TRPM4: variants seen among roughly 807,000 people sequenced by gnomAD.
TRPM4 encodes the protein transient receptor potential cation channel subfamily M member 4, also known as calcium-activated non-selective cation channel 1.
TRPM4 carries 124 observed loss-of-function variants against 135.6 expected under a neutral mutation model. The observed-to-expected ratio is 0.91, with a 90% CI of 0.79 to 1.06. The LOEUF (loss-of-function observed/expected upper bound fraction) is 1.06. Ranked by LOEUF, TRPM4 falls within the 50% of genes least tolerant of loss-of-function variation. The pLI, the probability that TRPM4 is intolerant of heterozygous loss-of-function variation, is 0.00. For synonymous variants in TRPM4, 745 were observed against 705.6 expected, an observed-to-expected ratio of 1.06 and a Z score of -0.88; for missense variants, 1,658 against 1,671.4, an observed-to-expected ratio of 0.99 and a Z score of 0.14.
At position 49,188,685 on chromosome 19, in the gene TRPM4, C is replaced by T. The variant is rs1227708678; in HGVS notation, c.1788C>T (p.Leu596=). The change falls in exon 13 of 25, where the codon CTC becomes CTT. Residue 596 remains leucine, a synonymous_variant. Transcript: ENST00000252826. ...VSSALGACLL[L]RVMARLEPDA... ...CAGCTCTTGGGGCCTGTTTGCTGCT[C>T]CGGGTGATGGCACGCCTGGAGCCTG... The T allele has an allele frequency of 3.7e-6, 6 of 1,614,050 alleles. No homozygotes were observed. The highest frequency in any genetic ancestry group is 1.7e-5 in the Admixed American group (1 of 60,000).
At position 49,196,879 on chromosome 19, in the gene TRPM4, G is replaced by T. The variant is rs1244051658; in HGVS notation, c.2645+5G>T. On this transcript the variant is annotated splice_donor_5th_base_variant and intron_variant, in intron 17 of 24. Coordinates refer to ENST00000252826, the MANE Select transcript of TRPM4 (RefSeq NM_017636.4). The stretch of plus-strand genomic sequence containing the variant: ...CCTCCTGGGCGTGGGCTGCCGGTGA[G>T]TGCCCCGGGGCCTTGGAACCCTGGC... The T allele has an allele frequency of 6.4e-7, 1 of 1,573,032 alleles. No homozygotes were observed. The highest frequency in any genetic ancestry group is 1.8e-5 in the Admixed American group (1 of 56,776).
chr19:49,200,752 A>G lies in TRPM4; in HGVS notation c.2920A>G (p.Ile974Val), dbSNP rs748203500. The G allele has an allele frequency of 1.2e-6, 2 of 1,614,032 alleles. No homozygotes were observed. The highest frequency in any genetic ancestry group is 1.7e-5 in the Admixed American group (1 of 60,002). The stretch of plus-strand genomic sequence containing the variant: ...CGTCTTCTACCGTCCCTACCTGCAG[A>G]TCTTCGGGCAGATTCCCCAGGAGGA... ...RRVFYRPYLQ[I>V]FGQIPQEDMD... Residue 974 changes from isoleucine to valine, a missense_variant, in exon 19 of 25, where the codon ATC (isoleucine) becomes GTC (valine). Around this residue, in one of 3 missense-constraint regions of TRPM4, gnomAD observed 1,412 missense variants for 1,408.7 expected, o/e 1.00. Transcript: ENST00000252826.
Position 49,210,252 on chromosome 19 carries a change from A to C in TRPM4, c.3175A>C (p.Lys1059Gln). 1 of 1,614,198 alleles carries C rather than the reference A, an allele frequency of 6.2e-7. No individual in the cohort carries two copies. Among genetic ancestry groups the C allele is most frequent in the Non-Finnish European group, 8.5e-7 (1 of 1,180,032 alleles). ...ACAGGGCAACAGCGATCTCTACTGG[A>C]AGGCGCAGCGTTACCGCCTCATCCG... Reference protein sequence around the residue: ...KVQGNSDLYWKAQRYRLIREF... With the variant: ...KVQGNSDLYWQAQRYRLIREF... Residue 1059 changes from lysine to glutamine, a missense_variant, in exon 21 of 25, where the codon AAG (lysine) becomes CAG (glutamine). By Grantham distance (53) the Lys-to-Gln change is moderately conservative. This residue lies in a region of TRPM4 where 1,412 missense variants were observed against 1,408.7 expected (regional missense o/e 1.00). Transcript: ENST00000252826. This position sits in a 1 kb window ranked among gnomAD's most constrained non-coding sequence, Gnocchi z 4.1.
chr19:49,173,830 CA>C (rs1037855602), intron 9 of TRPM4, among the ~76,000 whole-genome samples: 3 of 150,764 alleles, frequency 2.0e-5, no homozygotes, highest in South Asian at 2.1e-4. Flanking sequence ...GTAAATTAAA[CA>C]AAAAAAAAAT....
In TRPM4 at chr19:49,210,532, A is replaced by G; in HGVS notation, c.3328+127A>G. 1.4e-6 allele frequency: 2 copies of G among 1,426,232 alleles called. No individual in the cohort carries two copies. The highest frequency in any genetic ancestry group is 1.9e-6 in the Non-Finnish European group (2 of 1,035,520). 88.3% of individuals were successfully genotyped at this position (1,426,232 alleles called of 1,614,324 possible). ...AGGTAGCGAGGGGCGGGGTTTAAGCAACAAGGGGCGGAGCTTAAGCACTGA... is the reference window on the plus strand; with the variant it reads ...AGGTAGCGAGGGGCGGGGTTTAAGCGACAAGGGGCGGAGCTTAAGCACTGA... On this transcript the variant is annotated intron_variant, in intron 21 of 24. Transcript: ENST00000252826. The surrounding 1 kb of genome is among the most constrained non-coding windows in gnomAD (Gnocchi z 4.1).
intron 9 of TRPM4, 80 bp from the exon 10 acceptor site, chr19:49,181,269 C>A: frequency 9.0e-7 from 1 of 1,109,278 alleles, no homozygotes; most frequent in Non-Finnish European, 1.4e-6. Context: ...GTCAGACATG[C>A]AAAATAGAGG....
chr19:49,166,004 G>C (rs1200108372), intron 2 of TRPM4, 37 bp from the exon 3 acceptor site: 17 of 1,557,890 alleles, frequency 1.1e-5, no homozygotes, highest in African/African-American at 2.7e-5. Context: ...GGGTCGGGGG[G>C]CAGCCCTGGG....
intron 20 of TRPM4, among the ~76,000 whole-genome samples, chr19:49,203,934 C>A (rs900402344): frequency 6.6e-6 from 1 of 152,114 alleles, no homozygotes; most frequent in Non-Finnish European, 1.5e-5. Context: ...TCGAGACCAG[C>A]CTGGCCAACG....
intron 12 of TRPM4, among the ~76,000 whole-genome samples, chr19:49,186,339 G>A (rs889328874): frequency 1.3e-5 from 2 of 152,324 alleles, no homozygotes; most frequent in East Asian, 3.9e-4. Context: ...AGAGCCTAAA[G>A]TTCAGCCAGA....
chr19:49,210,091 T>C lies in TRPM4; in HGVS notation c.3132-118T>C. ...CGCATCCTGTAACCTCTGACTTTAG[T>C]GATCTTGACTTCTGTCTGCTGCTAT... On this transcript the variant is annotated intron_variant, in intron 20 of 24. Transcript: ENST00000252826. This position sits in a 1 kb window ranked among gnomAD's most constrained non-coding sequence, Gnocchi z 4.1. The C allele has an allele frequency of 8.9e-7, 1 of 1,119,226 alleles. No individual in the cohort carries two copies. Among genetic ancestry groups the C allele is most frequent in the Non-Finnish European group, 1.4e-6 (1 of 732,754 alleles). The allele number at this position is 1,119,226 out of a possible 1,614,324, so 69.3% of individuals were successfully genotyped here.
chr19:49,179,059 A>G (rs892742778), intron 9 of TRPM4, among the ~76,000 whole-genome samples: 6 of 141,214 alleles, frequency 4.2e-5, no homozygotes, highest in Non-Finnish European at 6.2e-5. Context: ...TGCCCGGCCT[A>G]TTATTATTAT....
chr19:49,203,159 A>G (rs181342164), intron 20 of TRPM4, among the ~76,000 whole-genome samples: 5,700 of 127,536 alleles, frequency 0.045, 139 homozygotes, highest in African/African-American at 0.096. Flanking sequence ...CCAAAGTGCT[A>G]GGATTACAGG....
At position 49,210,254 on chromosome 19, in the gene TRPM4, G is replaced by A; in HGVS notation, c.3177G>A (p.Lys1059=). The A allele has an allele frequency of 2.5e-6, 4 of 1,614,250 alleles. No individual in the cohort carries two copies. Among genetic ancestry groups the A allele is most frequent in the South Asian group, 2.2e-5 (2 of 91,088 alleles). The change falls in exon 21 of 25, where the codon AAG becomes AAA. Residue 1059 remains lysine (K), a synonymous_variant. Coordinates refer to ENST00000252826, the MANE Select transcript of TRPM4 (RefSeq NM_017636.4). This position sits in a 1 kb window ranked among gnomAD's most constrained non-coding sequence, Gnocchi z 4.1. ...AGGGCAACAGCGATCTCTACTGGAAGGCGCAGCGTTACCGCCTCATCCGGG... is the reference window on the plus strand; with the variant it reads ...AGGGCAACAGCGATCTCTACTGGAAAGCGCAGCGTTACCGCCTCATCCGGG... ...KVQGNSDLYW[K]AQRYRLIREF... is the part of the protein sequence containing the mutation.
intron 12 of TRPM4, among the ~76,000 whole-genome samples, chr19:49,186,038 A>G (rs1296315247): frequency 1.3e-5 from 2 of 152,190 alleles, no homozygotes; most frequent in African/African-American, 4.8e-5. Flanking sequence ...GGCGTGAGCC[A>G]CCGCGCCCAC....
In TRPM4 at chr19:49,200,871, T is replaced by C. The variant is rs368605128; in HGVS notation, c.2953+86T>C. ...CTGTCCTCCTGGCTCTAAGAAAATATCTGTCTCTCTGAGTCTCTGTCTCCC... is the reference window on the plus strand; with the variant it reads ...CTGTCCTCCTGGCTCTAAGAAAATACCTGTCTCTCTGAGTCTCTGTCTCCC... On this transcript the variant is annotated intron_variant, in intron 19 of 24. Transcript: ENST00000252826. 22 of 1,414,190 alleles carry C rather than the reference T, an allele frequency of 1.6e-5. No homozygotes were observed. In the East Asian group the frequency reaches 3.2e-4, roughly 20 times the overall value. The allele number at this position is 1,414,190 out of a possible 1,614,324, so 87.6% of individuals were successfully genotyped here.
chr19:49,157,820 G>A lies in TRPM4; in HGVS notation c.-47G>A. Reference sequence around the variant, plus strand: ...GGTCTGGAAGCAGAGCCGGCGGAGGGAGCGCCGGGGCCCTGGGCTGCAGGA... The same window carrying A: ...GGTCTGGAAGCAGAGCCGGCGGAGGAAGCGCCGGGGCCCTGGGCTGCAGGA... On this transcript the variant is annotated 5_prime_UTR_variant, in exon 1 of 25. Coordinates refer to ENST00000252826, the MANE Select transcript of TRPM4 (RefSeq NM_017636.4). 6.5e-7 allele frequency: 1 copy of A among 1,533,386 alleles called. No individual in the cohort carries two copies. The highest frequency in any genetic ancestry group is 1.2e-5 in the South Asian group (1 of 83,888). 95.0% of individuals were successfully genotyped at this position (1,533,386 alleles called of 1,614,324 possible).
chr19:49,211,336 C>G lies in TRPM4; in HGVS notation c.3640+67C>G. The G allele has an allele frequency of 1.9e-6, 3 of 1,577,270 alleles. No homozygotes were observed. The highest frequency in any genetic ancestry group is 2.6e-6 in the Non-Finnish European group (3 of 1,153,910). ...CCTGTATTTTTGCGTGTTTTTCTCT[C>G]TCGGCACCTTTCCAGTGTCCCTGGG... is the stretch of plus-strand genomic sequence containing the variant. On this transcript the variant is annotated intron_variant, in intron 24 of 24. Transcript: ENST00000252826. This position sits in a 1 kb window ranked among gnomAD's most constrained non-coding sequence, Gnocchi z 4.8.
At chr19:49,208,117 GACTTTAAT>G (rs113037462) in intron 20 of TRPM4, among the ~76,000 whole-genome samples, 8,417 of 152,104 alleles carry the variant, frequency 0.055, 681 homozygotes, top group African/African-American at 0.17. Flanking sequence ...AAAGATCAAA[GACTTTAAT>G]ACTTTAATAC....
chr19:49,162,770 AT>A (rs1277363538), intron 2 of TRPM4, among the ~76,000 whole-genome samples: 1 of 150,548 alleles, frequency 6.6e-6, no homozygotes, highest in Non-Finnish European at 1.5e-5. Context: ...GAGAAACTGA[AT>A]TTTTTTTTGA....
Sources: allele counts gnomAD v4.1 joint callset (sites outside exome capture counted in the v4.1 genomes callset), GRCh38; gene constraint gnomAD v4.1.1; regional missense constraint gnomAD v4.1.1; non-coding constraint Gnocchi (gnomAD v3.1); transcripts MANE v1.5; gene names NCBI Gene and HGNC (gene_info 2026-07-23, HGNC 2026-07-21).